CLEC4C: variants seen among roughly 807,000 people sequenced by gnomAD.
CLEC4C encodes C-type (calcium dependent, carbohydrate-recognition domain) lectin, superfamily member 11.
CLEC4C carries 17 observed loss-of-function variants against 27.7 expected under a neutral mutation model. The ratio of observed to expected loss-of-function variants is 0.61; its 90% CI spans 0.42 to 0.92. The LOEUF (loss-of-function observed/expected upper bound fraction) is 0.92. CLEC4C is among the 40% of genes least tolerant of loss of function. The probability of loss-of-function intolerance (pLI) is 0.00; values close to 1 mark genes in which losing one functional copy is unlikely to be tolerated. For missense variants in CLEC4C, 244 were observed against 257.3 expected, an observed-to-expected ratio of 0.95 and a Z score of 0.35; for synonymous variants, 80 against 80.8, an observed-to-expected ratio of 0.99 and a Z score of 0.06.
At chr12:7,746,256 T>C (rs892560646) in intron 2 of CLEC4C, 75 bp downstream of exon 2, 29 of 783,772 alleles carry the variant, frequency 3.7e-5, no homozygotes, top group Non-Finnish European at 5.7e-5. Flanking sequence ...AAGAGGAACG[T>C]GTTTCTTCAG....
upstream of CLEC4C, chr12:7,747,477 G>A: frequency 9.5e-6 from 8 of 840,908 alleles, no homozygotes; most frequent in Non-Finnish European, 1.6e-5. Flanking sequence ...ATCCTTCTTC[G>A]CCTACTCTTG....
At chr12:7,733,481 CTTTTTTTT>C (rs762051121) in intron 4 of CLEC4C, among the ~76,000 whole-genome samples, 1 of 119,828 alleles carries the variant, frequency 8.3e-6, no homozygotes, top group Non-Finnish European at 1.7e-5. Flanking sequence ...CCAAGCTGGT[CTTTTTTTT>C]TTTTTTTTTT....
rs975063602 is a variant in CLEC4C, at chr12:7,729,481, T to G, written c.*115A>C. On this transcript the variant is annotated 3_prime_UTR_variant, in exon 6 of 6. Transcript: ENST00000360345. ...ATAAGTGTAATAGGTGACAGCCTGC[T>G]GAAACATTTTAGGGGCATTCCTTGT... is the stretch of plus-strand genomic sequence containing the variant. 14 of 872,232 alleles carry G rather than the reference T, an allele frequency of 1.6e-5. No individual in the cohort carries two copies. The highest frequency in any genetic ancestry group is 2.3e-5 in the Non-Finnish European group (13 of 562,900). The allele number at this position is 872,232 out of a possible 1,614,324, so 54.0% of individuals were successfully genotyped here. A position where few individuals can be genotyped will look rare whatever the true frequency, so the allele number is the denominator to read the frequency against.
intron 4 of CLEC4C, among the ~76,000 whole-genome samples, chr12:7,732,580 C>A (rs1193420370): frequency 6.7e-6 from 1 of 149,464 alleles, no homozygotes; most frequent in Non-Finnish European, 1.5e-5. Context: ...TCTCGATCTC[C>A]TGACCTTGTG....
intron 4 of CLEC4C, among the ~76,000 whole-genome samples, chr12:7,735,765 T>C (rs1864712047): frequency 6.6e-6 from 1 of 150,478 alleles, no homozygotes; most frequent in South Asian, 2.1e-4. Flanking sequence ...ATCGAGCCAC[T>C]GCACTCCAGC....
chr12:7,746,186 C>T, intron 2 of CLEC4C, 145 bp downstream of exon 2: 1 of 576,400 alleles, frequency 1.7e-6, no homozygotes, highest in East Asian at 3.0e-5. Context: ...TGCACTCCAT[C>T]CTGGGCGACA....
rs373513893 is a variant in CLEC4C at position 7,737,406 on chromosome 12, C to T, written c.381+23G>A. Reference sequence around the variant, plus strand: ...TTAAGAAAGGAAACAGATTAGCTGACCACCTTGCCTGTTAGAACATACCTG... The same window carrying T: ...TTAAGAAAGGAAACAGATTAGCTGATCACCTTGCCTGTTAGAACATACCTG... On this transcript the variant is annotated intron_variant, in intron 4 of 5. Coordinates refer to ENST00000360345, the MANE Select transcript of CLEC4C (RefSeq NM_001371390.1). 9.2e-5 allele frequency: 145 copies of T among 1,568,310 alleles called. No homozygotes were observed. The African/African-American group carries it at 1.8e-3, about 19-fold the overall frequency.
chr12:7,740,741 A>G (rs988210958), intron 3 of CLEC4C, among the ~76,000 whole-genome samples: 1 of 151,418 alleles, frequency 6.6e-6, no homozygotes, highest in Admixed American at 6.7e-5. Flanking sequence ...AGAGAAAAAA[A>G]CTGCTAAGAA....
chr12:7,741,667 C>T, intron 2 of CLEC4C, 136 bp from the exon 3 acceptor site: 1 of 558,244 alleles, frequency 1.8e-6, no homozygotes, highest in Non-Finnish European at 3.3e-6. Context: ...GTGGGAGGAC[C>T]ATTTGAGGTC....
chr12:7,741,375 T>G (rs746065397), intron 3 of CLEC4C, 46 bp downstream of exon 3: 5 of 1,048,534 alleles, frequency 4.8e-6, no homozygotes, highest in African/African-American at 3.1e-5. Flanking sequence ...GACTAGGAAT[T>G]TGATTAATAG....
intron 5 of CLEC4C, among the ~76,000 whole-genome samples, 176 bp from the exon 6 acceptor site, chr12:7,729,916 CT>C (rs1432855622): frequency 6.6e-6 from 1 of 152,176 alleles, no homozygotes. Flanking sequence ...TTCCTCTCCA[CT>C]TGTGTCTCTG....
chr12:7,747,233 A>G, intron 1 of CLEC4C, 85 bp downstream of exon 1: 1 of 1,193,626 alleles, frequency 8.4e-7, no homozygotes, highest in Non-Finnish European at 1.3e-6. Flanking sequence ...TCTTCTTCCA[A>G]AGTCATCCCT....
intron 5 of CLEC4C, 133 bp downstream of exon 5, chr12:7,730,664 C>T: frequency 4.4e-6 from 2 of 452,844 alleles, no homozygotes; most frequent in South Asian, 2.9e-5. Context: ...AAAAGCACAA[C>T]CCTTGATGTC....
At chr12:7,737,688 A>AT in intron 3 of CLEC4C, 114 bp from the exon 4 acceptor site, 8 of 1,028,344 alleles carry the variant, frequency 7.8e-6, no homozygotes, top group Non-Finnish European at 1.1e-5. Flanking sequence ...ATCTCCACGG[A>AT]TTTTCCAAAG....
At chr12:7,730,742 C>A (rs776681897) in intron 5 of CLEC4C, 55 bp downstream of exon 5, 3 of 893,772 alleles carry the variant, frequency 3.4e-6, no homozygotes, top group African/African-American at 1.6e-5. Flanking sequence ...TGATGGAACA[C>A]CCTAAACCCC....
Position 7,737,483 on chromosome 12 carries a change from CT to C in CLEC4C, c.326del (p.Lys109ArgfsTer5). ...TGMQSWTKSQKNCSVMGADLV... is the reference protein window; with the variant it reads ...TGMQSWTKSQXNCSVMGADLV... ...GATCAGCCCCCATCACAGAACAGTT[CT>C]TTTGACTCTTAGTCCAAGATTGCAT... On this transcript the variant is annotated frameshift_variant, in exon 4 of 6. Coordinates refer to ENST00000360345, the MANE Select transcript of CLEC4C (RefSeq NM_001371390.1). LOFTEE classifies it high-confidence loss of function. 6.2e-7 allele frequency: 1 copy of C among 1,613,974 alleles called. No individual in the cohort carries two copies. The highest frequency in any genetic ancestry group is 8.5e-7 in the Non-Finnish European group (1 of 1,179,970).
chr12:7,745,097 T>C (rs182650919), intron 2 of CLEC4C, among the ~76,000 whole-genome samples: 2 of 152,274 alleles, frequency 1.3e-5, no homozygotes, highest in Admixed American at 6.6e-5. Context: ...GTTATTGTTA[T>C]AGAATGAATT....
At chr12:7,745,256 C>T (rs896249574) in intron 2 of CLEC4C, among the ~76,000 whole-genome samples, 4 of 151,800 alleles carry the variant, frequency 2.6e-5, no homozygotes, top group Admixed American at 1.3e-4. Flanking sequence ...GAAACCGTGA[C>T]GAGCTAGCAC....
At position 7,737,096 on chromosome 12, in the gene CLEC4C, C is replaced by T. The variant is rs776068853; in HGVS notation, c.381+333G>A. ...AAATACAAAAATTAGCCAGGCGTGG[C>T]GGTACATGCCTATCCTCCCAGCTAC... On this transcript the variant is annotated intron_variant, in intron 4 of 5. Transcript: ENST00000360345. Among the ~76,000 whole-genome samples, 9 of 150,700 alleles carry T rather than the reference C, an allele frequency of 6.0e-5. 1 individual carries two copies. The highest frequency in any genetic ancestry group is 8.9e-5 in the Non-Finnish European group (6 of 67,708).
Sources: gnomAD v4.1 joint callset for allele counts (sites outside exome capture counted in the v4.1 genomes callset) on GRCh38, gnomAD v4.1.1 for gene constraint, MANE v1.5 for transcripts, NCBI Gene and HGNC (gene_info 2026-07-23, HGNC 2026-07-21) for gene names.